Variants in FBN1 observed in about 807,000 individuals in gnomAD.
The protein encoded by FBN1 is fibrillin 1, also known as fibrillin-1.
Under a neutral mutation model 365.1 loss-of-function variants are expected in FBN1, and 29 were observed. That is an observed-to-expected ratio of 0.08 (90% CI 0.06 to 0.11). The LOEUF is 0.11. Among genes scored for constraint, FBN1 ranks in the 10% least tolerant of loss-of-function variants. FBN1 has a pLI of 1.00. For synonymous variants in FBN1, 1,210 were observed against 1,270.5 expected, an observed-to-expected ratio of 0.95 and a Z score of 1.01; for missense variants, 2,476 against 3,703.2, an observed-to-expected ratio of 0.67 and a Z score of 8.60.
At chr15:48,626,047 T>A (rs1434313833) in intron 2 of FBN1, among the ~76,000 whole-genome samples, 1 of 151,990 alleles carries the variant, frequency 6.6e-6, no homozygotes, top group Non-Finnish European at 1.5e-5. Flanking sequence ...AAGAAACTTT[T>A]AAAAAAAGAT....
chr15:48,535,777 T>C (rs2044008116), intron 7 of FBN1, among the ~76,000 whole-genome samples: 1 of 152,236 alleles, frequency 6.6e-6, no homozygotes, highest in South Asian at 2.1e-4. Flanking sequence ...AGATACATGA[T>C]TATATGTGGA....
chr15:48,414,619 G>A (rs767293947), intron 64 of FBN1, among the ~76,000 whole-genome samples: 1 of 151,818 alleles, frequency 6.6e-6, no homozygotes, highest in African/African-American at 2.4e-5. Context: ...CTTCCCGGCC[G>A]GGTACAGTGG....
intron 2 of FBN1, among the ~76,000 whole-genome samples, chr15:48,638,879 C>A (rs956806966): frequency 2.0e-5 from 3 of 152,166 alleles, no homozygotes; most frequent in African/African-American, 7.2e-5. Context: ...GAAGCCCACA[C>A]AACGCCCAGC....
chr15:48,637,534 C>T (rs1890115893), intron 2 of FBN1, among the ~76,000 whole-genome samples: 1 of 152,194 alleles, frequency 6.6e-6, no homozygotes, highest in African/African-American at 2.4e-5. Context: ...CAACTGCAGT[C>T]AATGTCCTAA....
intron 2 of FBN1, among the ~76,000 whole-genome samples, chr15:48,626,155 G>A (rs1424862865): frequency 6.6e-6 from 1 of 151,908 alleles, no homozygotes; most frequent in Non-Finnish European, 1.5e-5. Context: ...CTACTTGGAA[G>A]GCTGAGTGGG....
At position 48,427,652 on chromosome 15, in the gene FBN1, G is replaced by A; in HGVS notation, c.7119C>T (p.Pro2373=). ...CCTGGAAAGGGCAGATCTCACAGTG[G>A]GGACCCCAGCCTCTCCCTCCGTCAC... ...CCCDGGRGWG[P]HCEICPFQGT... is the part of the protein sequence containing the mutation. The change falls in exon 58 of 66, where the codon CCC becomes CCT. Residue 2373 remains proline, a synonymous_variant. Coordinates refer to ENST00000316623, the MANE Select transcript of FBN1 (RefSeq NM_000138.5). 6.2e-7 allele frequency: 1 copy of A among 1,614,124 alleles called. No individual in the cohort carries two copies. The highest frequency in any genetic ancestry group is 8.5e-7 in the Non-Finnish European group (1 of 1,180,016).
At chr15:48,416,334 C>A (rs911460311) in intron 63 of FBN1, among the ~76,000 whole-genome samples, 1 of 152,174 alleles carries the variant, frequency 6.6e-6, no homozygotes, top group East Asian at 1.9e-4. Flanking sequence ...GTCTGCCCCA[C>A]GTGTCTGCCC....
chr15:48,516,267 C>G lies in FBN1; in HGVS notation c.1243G>C (p.Val415Leu). The G allele has an allele frequency of 1.2e-6, 2 of 1,613,390 alleles. No individual in the cohort carries two copies. The highest frequency in any genetic ancestry group is 8.5e-7 in the Non-Finnish European group (1 of 1,179,860). Residue 415 changes from valine (V) to leucine (L), a missense_variant, in exon 11 of 66, where the codon GTT becomes CTT. Coordinates refer to ENST00000316623, the MANE Select transcript of FBN1 (RefSeq NM_000138.5). Reference protein sequence around the residue: ...PLGPIPPVLPVPPGFPPGPQI... With the variant: ...PLGPIPPVLPLPPGFPPGPQI... ...GGTCCAGGAGGAAAGCCAGGAGGAA[C>G]AGGGAGAACTGGAGGAATGGGGCCA... is the stretch of plus-strand genomic sequence containing the variant.
intron 2 of FBN1, among the ~76,000 whole-genome samples, chr15:48,627,186 T>C (rs1889901211): frequency 6.6e-6 from 1 of 152,262 alleles, no homozygotes; most frequent in Admixed American, 6.5e-5. Flanking sequence ...TTTTGTGCTC[T>C]GATTTTTTTA....
chr15:48,494,075 T>A (rs1487628627), intron 23 of FBN1, 129 bp downstream of exon 23: 1 of 748,728 alleles, frequency 1.3e-6, no homozygotes, highest in Non-Finnish European at 2.4e-6. Flanking sequence ...GTTTTGTAGT[T>A]CTCATTATTT....
intron 49 of FBN1, 110 bp from the exon 50 acceptor site, chr15:48,441,956 A>C: frequency 8.7e-7 from 1 of 1,154,788 alleles, no homozygotes; most frequent in Non-Finnish European, 1.3e-6. Flanking sequence ...AAACTCTTAC[A>C]ATAATAAAGG....
intron 22 of FBN1, among the ~76,000 whole-genome samples, chr15:48,494,758 C>G (rs1031294701): frequency 1.6e-4 from 25 of 152,052 alleles, no homozygotes; most frequent in African/African-American, 6.0e-4. Context: ...CACCAGAAAC[C>G]CTTATGAAGT....
intron 46 of FBN1, among the ~76,000 whole-genome samples, chr15:48,448,195 T>C (rs1463268910): frequency 6.7e-6 from 1 of 149,236 alleles, no homozygotes. Flanking sequence ...CCAAAAAGAC[T>C]TAATGGTATT....
chr15:48,623,530 C>A (rs1889809673), intron 2 of FBN1, among the ~76,000 whole-genome samples: 1 of 152,000 alleles, frequency 6.6e-6, no homozygotes, highest in African/African-American at 2.4e-5. Flanking sequence ...ATTTCTTTGG[C>A]AAAAGAAGAA....
chr15:48,550,093 C>T (rs2044130150), intron 6 of FBN1, among the ~76,000 whole-genome samples: 2 of 152,226 alleles, frequency 1.3e-5, no homozygotes, highest in Non-Finnish European at 1.5e-5. Context: ...GAGGCCTGCA[C>T]GCCAGTCTCA....
intron 50 of FBN1, 72 bp downstream of exon 50, chr15:48,441,649 C>A: frequency 1.3e-6 from 2 of 1,579,660 alleles, no homozygotes; most frequent in Admixed American, 3.3e-5. Flanking sequence ...AGAGCTTTGC[C>A]ATGTTTGAAA....
intron 58 of FBN1, 65 bp from the exon 59 acceptor site, chr15:48,425,929 G>C (rs1446941361): frequency 7.8e-7 from 1 of 1,289,514 alleles, no homozygotes; most frequent in African/African-American, 1.5e-5. Context: ...TATGTAGGGG[G>C]TCACTTCAGT....
intron 65 of FBN1, among the ~76,000 whole-genome samples, chr15:48,411,636 T>C (rs1304420229): frequency 6.6e-6 from 1 of 152,260 alleles, no homozygotes. Context: ...ATGTAGTCCC[T>C]GAACAAGCTG....
chr15:48,545,787 C>T (rs1276210457), intron 6 of FBN1, among the ~76,000 whole-genome samples: 2 of 152,042 alleles, frequency 1.3e-5, no homozygotes, highest in African/African-American at 2.4e-5. Flanking sequence ...TTTGGGAGGA[C>T]GAGGCAGGTG....
Sources: gnomAD v4.1 joint callset for allele counts (sites outside exome capture counted in the v4.1 genomes callset) on GRCh38, gnomAD v4.1.1 for gene constraint, MANE v1.5 for transcripts, NCBI Gene and HGNC (gene_info 2026-07-23, HGNC 2026-07-21) for gene names.